The following COG4 variants were observed in gnomAD, a reference collection of about 807,000 sequenced individuals.
The protein encoded by COG4 is conserved oligomeric Golgi complex subunit 4.
In COG4, 65 loss-of-function variants were observed where a neutral mutation model predicts 95.1. The ratio of observed to expected loss-of-function variants is 0.68; its 90% confidence interval spans 0.56 to 0.84. COG4 has a LOEUF of 0.84. Among genes scored for constraint, COG4 ranks in the 40% least tolerant of loss-of-function variants. The pLI, the probability that COG4 is intolerant of heterozygous loss-of-function variation, is 0.00. For synonymous variants in COG4, 421 were observed against 374.8 expected, an observed-to-expected ratio of 1.12 and a Z score of -1.42; for missense variants, 1,045 against 989.1, an observed-to-expected ratio of 1.06 and a Z score of -0.76.
chr16:70,481,435 G>A lies in COG4; in HGVS notation c.2159C>T (p.Thr720Ile). ...TCGGATGGTCCAGGTGGTCACCGTG[G>A]TAAGGTAGGCAATGAGCGACCTCAG... The part of the protein sequence containing the change: ...KELRSLIAYL[T>I]TVTTWTIRDK... The change falls in exon 18 of 19, where the codon ACC (threonine) becomes ATC (isoleucine). Residue 720 changes from threonine (T) to isoleucine (I), a missense_variant. Coordinates refer to ENST00000323786, the MANE Select transcript of COG4 (RefSeq NM_015386.3). The A allele has an allele frequency of 6.2e-7, 1 of 1,613,192 alleles. No homozygotes were observed. The highest frequency in any genetic ancestry group is 8.5e-7 in the Non-Finnish European group (1 of 1,179,970).
chr16:70,518,522 C>A (rs1346539292), intron 2 of COG4, among the ~76,000 whole-genome samples: 1 of 152,116 alleles, frequency 6.6e-6, no homozygotes, highest in East Asian at 1.9e-4. Context: ...CCATGCCCAA[C>A]TAATTTATTT....
intron 1 of COG4, 107 bp downstream of exon 1, chr16:70,523,266 T>C (rs1162338842): frequency 7.1e-7 from 1 of 1,402,840 alleles, no homozygotes; most frequent in African/African-American, 1.4e-5. Context: ...TTTTCCCGCT[T>C]TTTTGTATCC....
At chr16:70,499,832 T>G (rs1567381575) in intron 9 of COG4, among the ~76,000 whole-genome samples, 1 of 152,066 alleles carries the variant, frequency 6.6e-6, no homozygotes, top group Non-Finnish European at 1.5e-5. Context: ...GCTAATTTTT[T>G]TGTATTTTTA....
At chr16:70,505,189 T>C (rs947524524) in intron 8 of COG4, among the ~76,000 whole-genome samples, 1 of 149,730 alleles carries the variant, frequency 6.7e-6, no homozygotes, top group Admixed American at 6.6e-5. Flanking sequence ...ATTTTACGTT[T>C]GGATTTTCTT....
chr16:70,508,938 G>A (rs1597681796), intron 7 of COG4: 2 of 544,652 alleles, frequency 3.7e-6, no homozygotes, highest in East Asian at 4.0e-5. Context: ...ATCATTAGAG[G>A]GCACTGTTGC....
At chr16:70,485,936 C>T (rs2049123411) in intron 13 of COG4, among the ~76,000 whole-genome samples, 1 of 147,190 alleles carries the variant, frequency 6.8e-6, no homozygotes, top group Non-Finnish European at 1.5e-5. Context: ...TGCTCTATAA[C>T]CCAGGCTGGA....
Position 70,509,403 on chromosome 16 carries a change from G to A in COG4, c.845-15C>T. ...GCGGGCAATCCCTAGAAGGGAGGAAGCAATAGGGTTATATTCCAAGTATTC... is the reference window on the plus strand; with the variant it reads ...GCGGGCAATCCCTAGAAGGGAGGAAACAATAGGGTTATATTCCAAGTATTC... On this transcript the variant is annotated splice_polypyrimidine_tract_variant and intron_variant, in intron 6 of 18. Coordinates refer to ENST00000323786, the MANE Select transcript of COG4 (RefSeq NM_015386.3). The A allele has an allele frequency of 6.2e-7, 1 of 1,614,052 alleles. No homozygotes were observed. Among genetic ancestry groups the A allele is most frequent in the Non-Finnish European group, 8.5e-7 (1 of 1,179,924 alleles).
chr16:70,501,201 A>C, intron 8 of COG4, 110 bp from the exon 9 acceptor site: 2 of 1,258,928 alleles, frequency 1.6e-6, no homozygotes, highest in Non-Finnish European at 2.3e-6. Flanking sequence ...CCCATAAGGA[A>C]AAGCTCTGCC....
At position 70,497,375 on chromosome 16, in the gene COG4, C is replaced by A; in HGVS notation, c.1327G>T (p.Asp443Tyr). ...RETVNKAVAL[D>Y]TYEKGQLTSS... ...GTCAGCTGGCCCTTCTCATAGGTGT[C>A]CAGAGCCACAGCCTACCCAAAAGGC... The change falls in exon 11 of 19, where the codon GAC becomes TAC. Residue 443 changes from aspartate to tyrosine, a missense_variant. By Grantham distance (160) the Asp-to-Tyr change is radical. Transcript: ENST00000323786. The A allele has an allele frequency of 6.2e-7, 1 of 1,613,454 alleles. No homozygotes were observed. The highest frequency in any genetic ancestry group is 8.5e-7 in the Non-Finnish European group (1 of 1,180,014).
chr16:70,514,385 T>G lies in COG4; in HGVS notation c.494A>C (p.Tyr165Ser). The stretch of plus-strand genomic sequence containing the variant: ...AATGACCGACTTGTCCAGGCACAAG[T>G]AGCGATGAGTATGTGCTGCAGCCTG... The part of the protein sequence containing the change: ...YEQAAAHTHR[Y>S]LCLDKSVIEL... Residue 165 changes from tyrosine (Y) to serine (S), a missense_variant, in exon 4 of 19, where the codon TAC (tyrosine) becomes TCC (serine). Coordinates refer to ENST00000323786, the MANE Select transcript of COG4 (RefSeq NM_015386.3). 1 of 1,614,130 alleles carries G rather than the reference T, an allele frequency of 6.2e-7. No individual in the cohort carries two copies. The highest frequency in any genetic ancestry group is 8.5e-7 in the Non-Finnish European group (1 of 1,180,016).
intron 12 of COG4, among the ~76,000 whole-genome samples, chr16:70,495,998 C>A (rs1301778406): frequency 2.0e-5 from 3 of 152,214 alleles, no homozygotes; most frequent in African/African-American, 4.8e-5. Flanking sequence ...GGCTCCTGAG[C>A]AGCTGGCCAG....
intron 13 of COG4, among the ~76,000 whole-genome samples, chr16:70,488,863 T>C (rs1365248669): frequency 6.6e-5 from 10 of 152,206 alleles, no homozygotes; most frequent in Admixed American, 6.5e-4. Context: ...GCTACTGTTA[T>C]TTTTAACTGT....
chr16:70,517,401 A>T (rs2049844083), intron 3 of COG4, among the ~76,000 whole-genome samples: 1 of 151,480 alleles, frequency 6.6e-6, no homozygotes, highest in South Asian at 2.1e-4. Context: ...CAGCCCGGGG[A>T]ACATGGCAAA....
chr16:70,484,697 T>G (rs2049091740), intron 13 of COG4, among the ~76,000 whole-genome samples: 1 of 152,142 alleles, frequency 6.6e-6, no homozygotes, highest in African/African-American at 2.4e-5. Context: ...GGCCAGAGTT[T>G]AAGAACAGCA....
intron 12 of COG4, among the ~76,000 whole-genome samples, chr16:70,495,161 C>T (rs1190223604): frequency 2.0e-5 from 3 of 150,388 alleles, no homozygotes; most frequent in South Asian, 2.1e-4. Context: ...GAGGCCAAGA[C>T]GGGTGGATCA....
intron 3 of COG4, among the ~76,000 whole-genome samples, chr16:70,516,379 C>A (rs556704382): frequency 2.0e-5 from 3 of 151,860 alleles, no homozygotes; most frequent in East Asian, 3.9e-4. Context: ...TCACTGTAAG[C>A]TCTGCCTTCT....
intron 8 of COG4, among the ~76,000 whole-genome samples, chr16:70,502,834 T>C (rs1197445965): frequency 1.3e-5 from 2 of 152,136 alleles, no homozygotes; most frequent in Non-Finnish European, 2.9e-5. Context: ...GGCATATGAA[T>C]AGATATATGG....
rs943503595 is a variant in COG4 at position 70,514,386 on chromosome 16, A to T, written c.493T>A (p.Tyr165Asn). Reference sequence around the variant, plus strand: ...ATGACCGACTTGTCCAGGCACAAGTAGCGATGAGTATGTGCTGCAGCCTGC... The same window carrying T: ...ATGACCGACTTGTCCAGGCACAAGTTGCGATGAGTATGTGCTGCAGCCTGC... ...YEQAAAHTHR[Y>N]LCLDKSVIEL... Residue 165 changes from tyrosine (Y) to asparagine (N), a missense_variant, in exon 4 of 19, where the codon TAC (tyrosine) becomes AAC (asparagine). Tyr to Asn is a moderately radical substitution (Grantham distance 143, BLOSUM62 -2). Transcript: ENST00000323786. 2 of 1,614,030 alleles carry T rather than the reference A, an allele frequency of 1.2e-6. No homozygotes were observed. Among genetic ancestry groups the T allele is most frequent in the African/African-American group, 2.7e-5 (2 of 74,922 alleles).
chr16:70,504,222 C>T (rs1418811954), intron 8 of COG4, among the ~76,000 whole-genome samples: 1 of 152,154 alleles, frequency 6.6e-6, no homozygotes, highest in African/African-American at 2.4e-5. Flanking sequence ...TACCCATACC[C>T]CCCTGGGGTA....
Sources: gnomAD v4.1 joint callset for allele counts (sites outside exome capture counted in the v4.1 genomes callset) on GRCh38, gnomAD v4.1.1 for gene constraint, MANE v1.5 for transcripts, NCBI Gene and HGNC (gene_info 2026-07-23, HGNC 2026-07-21) for gene names.